Variants in DLC1 observed in about 807,000 individuals in gnomAD.
DLC1 encodes the protein DLC1 Rho GTPase activating protein.
A neutral mutation model predicts 140.3 loss-of-function variants in DLC1; 54 were observed. That is an observed-to-expected ratio of 0.38 (90% CI 0.31 to 0.48). The LOEUF (loss-of-function observed/expected upper bound fraction) is 0.48. DLC1 is among the 20% of genes least tolerant of loss of function. DLC1 has a pLI of 0.96. For missense variants in DLC1, 2,536 were observed against 1,907.0 expected, an observed-to-expected ratio of 1.33 and a Z score of -6.14; for synonymous variants, 986 against 728.1, an observed-to-expected ratio of 1.35 and a Z score of -5.70.
chr8:13,429,620 C>A (rs941268781), intron 2 of DLC1, among the ~76,000 whole-genome samples: 4 of 152,160 alleles, frequency 2.6e-5, no homozygotes, highest in Non-Finnish European at 4.4e-5. Context: ...TCCTATGTAT[C>A]TTTTGCCATG....
intron 2 of DLC1, among the ~76,000 whole-genome samples, chr8:13,452,304 G>C (rs994432271): frequency 6.6e-6 from 1 of 151,848 alleles, no homozygotes; most frequent in Admixed American, 6.6e-5. Flanking sequence ...CTTGCCTATA[G>C]CTCCACTGAC....
intron 5 of DLC1, among the ~76,000 whole-genome samples, chr8:13,295,654 C>G (rs12545594): frequency 0.12 from 17,978 of 152,114 alleles, 1,183 homozygotes; most frequent in South Asian, 0.16. Flanking sequence ...GAAAACAAAT[C>G]AAAGTGCTTC....
At chr8:13,580,565 C>G (rs1805060647) in intron 1 of DLC1, among the ~76,000 whole-genome samples, 1 of 152,096 alleles carries the variant, frequency 6.6e-6, no homozygotes, top group South Asian at 2.1e-4. Context: ...CTCACTGTGC[C>G]CATCCCTGAA....
chr8:13,558,712 G>C (rs1184022670), intron 1 of DLC1: 1 of 152,112 alleles, frequency 6.6e-6, no homozygotes. Flanking sequence ...ATATTTCTCA[G>C]TTACATCGAG....
intron 5 of DLC1, among the ~76,000 whole-genome samples, chr8:13,251,322 A>G (rs1202738336): frequency 1.3e-5 from 2 of 152,080 alleles, no homozygotes; most frequent in African/African-American, 2.4e-5. Context: ...AGGGTGGGAA[A>G]TTACAATTCA....
chr8:13,418,482 C>T (rs1468154026), intron 2 of DLC1, among the ~76,000 whole-genome samples: 2 of 152,126 alleles, frequency 1.3e-5, no homozygotes, highest in South Asian at 2.1e-4. Context: ...ATCCTTTCCC[C>T]ATTGCTTGTT....
At chr8:13,210,141 G>A (rs1188308) in intron 5 of DLC1, among the ~76,000 whole-genome samples, 1 of 151,898 alleles carries the variant, frequency 6.6e-6, no homozygotes, top group Non-Finnish European at 1.5e-5. Flanking sequence ...GAAAAAATTG[G>A]AAACTTGTTG....
chr8:13,363,698 T>C (rs1835349888), intron 4 of DLC1, among the ~76,000 whole-genome samples: 1 of 152,140 alleles, frequency 6.6e-6, no homozygotes, highest in African/African-American at 2.4e-5. Flanking sequence ...ATCACCAGCA[T>C]GCAAAAATAT....
At chr8:13,403,455 C>G (rs1481675) in intron 2 of DLC1, among the ~76,000 whole-genome samples, 39,676 of 152,018 alleles carry the variant, frequency 0.26, 5,633 homozygotes, top group Admixed American at 0.3. Context: ...AATCACTCTT[C>G]CCATGGGCTT....
At chr8:13,132,127 G>A (rs1279694236) in intron 5 of DLC1, among the ~76,000 whole-genome samples, 2 of 152,076 alleles carry the variant, frequency 1.3e-5, no homozygotes, top group Admixed American at 6.5e-5. Flanking sequence ...TCCTTGTCCG[G>A]GTCAAGGGGG....
At chr8:13,110,897 G>C in intron 6 of DLC1, 74 bp from the exon 7 acceptor site, 1 of 1,373,672 alleles carries the variant, frequency 7.3e-7, no homozygotes, top group Non-Finnish European at 1.0e-6. Context: ...GTTTACCAAA[G>C]CAGGGATAAA....
intron 1 of DLC1, among the ~76,000 whole-genome samples, chr8:13,565,878 C>T (rs551667940): frequency 2.6e-4 from 39 of 152,124 alleles, no homozygotes; most frequent in African/African-American, 8.9e-4. Context: ...TTAAATGAAT[C>T]CATTAATAAA....
intron 15 of DLC1, among the ~76,000 whole-genome samples, chr8:13,089,583 C>A (rs1269801852): frequency 1.3e-5 from 2 of 152,210 alleles, no homozygotes; most frequent in Non-Finnish European, 2.9e-5. Flanking sequence ...CGAGATCATG[C>A]CACTGCACTC....
Position 13,499,609 on chromosome 8 carries a change from G to A in DLC1, c.463C>T (p.Gln155Ter). The change falls in exon 2 of 18, where the codon CAA (glutamine) becomes TAA (stop). Residue 155 changes from glutamine to a stop codon, truncating the protein, a stop_gained. Coordinates refer to ENST00000276297, the MANE Select transcript of DLC1 (RefSeq NM_182643.3). LOFTEE classifies it high-confidence loss of function. ...GSLEKALPII[Q>*]SNQVSSNSWG... ...GAGTTAGAAGAAACTTGGTTACTTTGTATGATGGGCAGTGCCTTTTCTAAG... is the reference window on the plus strand; with the variant it reads ...GAGTTAGAAGAAACTTGGTTACTTTATATGATGGGCAGTGCCTTTTCTAAG... 1 of 1,614,112 alleles carries A rather than the reference G, an allele frequency of 6.2e-7. No homozygotes were observed. The highest frequency in any genetic ancestry group is 8.5e-7 in the Non-Finnish European group (1 of 1,180,006).
At chr8:13,415,665 C>T (rs1356097874) in intron 2 of DLC1, among the ~76,000 whole-genome samples, 9 of 152,122 alleles carry the variant, frequency 5.9e-5, no homozygotes, top group African/African-American at 2.2e-4. Flanking sequence ...TCTCAAAGTG[C>T]TGGGATTACA....
In DLC1 at chr8:13,172,099, C is replaced by T. The variant is rs113780614; in HGVS notation, c.1349-56442G>A. On this transcript the variant is annotated intron_variant, in intron 5 of 17. Coordinates refer to ENST00000276297, the MANE Select transcript of DLC1 (RefSeq NM_182643.3). ...CTTCATCTATATGGCATTATTCTTA[C>T]GATAACAAAACATTTTATAGATGTC... Among the ~76,000 whole-genome samples, 155 of 152,088 alleles carry T rather than the reference C, an allele frequency of 1.0e-3. 3 individuals carry two copies. The highest frequency in any genetic ancestry group is 5.3e-4 in the Non-Finnish European group (36 of 68,016).
chr8:13,170,514 A>T (rs1825388209), intron 5 of DLC1, among the ~76,000 whole-genome samples: 1 of 152,144 alleles, frequency 6.6e-6, no homozygotes, highest in Non-Finnish European at 1.5e-5. Context: ...GCGGATCATG[A>T]GGTCAGGAAA....
At chr8:13,429,849 A>G (rs962851416) in intron 2 of DLC1, among the ~76,000 whole-genome samples, 1 of 152,238 alleles carries the variant, frequency 6.6e-6, no homozygotes, top group African/African-American at 2.4e-5. Context: ...AATAATGCAT[A>G]CTTTAATGTA....
intron 4 of DLC1, among the ~76,000 whole-genome samples, chr8:13,350,305 T>C (rs1834585555): frequency 6.6e-6 from 1 of 152,120 alleles, no homozygotes; most frequent in Non-Finnish European, 1.5e-5. Context: ...GTTTATCATT[T>C]TTTTTTTTGT....
Sources: gnomAD v4.1 joint callset for allele counts (sites outside exome capture counted in the v4.1 genomes callset) on GRCh38, gnomAD v4.1.1 for gene constraint, MANE v1.5 for transcripts, NCBI Gene and HGNC (gene_info 2026-07-23, HGNC 2026-07-21) for gene names.